Variants in NCAM1 observed in about 807,000 individuals in gnomAD.
NCAM1 encodes the protein neural cell adhesion molecule 1, also known as antigen recognized by monoclonal antibody 5.1H11.
NCAM1 carries 14 observed loss-of-function variants against 109.8 expected under a neutral mutation model. The ratio of observed to expected loss-of-function variants is 0.13; its 90% CI spans 0.08 to 0.20. The LOEUF (loss-of-function observed/expected upper bound fraction) is 0.20, where lower values mean the gene tolerates loss of function less well. Among genes scored for constraint, NCAM1 ranks in the 10% least tolerant of loss-of-function variants. The pLI, the probability that NCAM1 is intolerant of heterozygous loss-of-function variation, is 1.00. For missense variants in NCAM1, 774 were observed against 1,109.9 expected (o/e 0.70, Z 4.30); for synonymous variants, 418 against 442.9 (o/e 0.94, Z 0.70).
intron 1 of NCAM1, among the ~76,000 whole-genome samples, chr11:113,042,793 G>A (rs189825948): frequency 6.6e-6 from 1 of 152,240 alleles, no homozygotes; most frequent in East Asian, 1.9e-4. Context: ...GGCCTTTGCA[G>A]GGTCACTGCC....
intron 17 of NCAM1, among the ~76,000 whole-genome samples, chr11:113,261,774 C>T (rs1946006325): frequency 6.6e-6 from 1 of 152,130 alleles, no homozygotes; most frequent in Non-Finnish European, 1.5e-5. Flanking sequence ...CCCTTTGCAG[C>T]AAGACAGATT....
chr11:113,166,161 T>C (rs1555105240), intron 1 of NCAM1, among the ~76,000 whole-genome samples: 2 of 152,184 alleles, frequency 1.3e-5, no homozygotes, highest in Non-Finnish European at 2.9e-5. Context: ...CACGCCTGTT[T>C]ATATTTCCCG....
At chr11:113,236,392 G>A in intron 14 of NCAM1, 1 of 1,531,778 alleles carries the variant, frequency 6.5e-7, no homozygotes, top group Non-Finnish European at 9.0e-7. Flanking sequence ...ATTTAGTTCT[G>A]GTCCCTTTTT....
chr11:113,255,969 C>T lies in NCAM1; in HGVS notation c.1921C>T (p.Pro641Ser). 2 of 1,604,944 alleles carry T rather than the reference C, an allele frequency of 1.2e-6. No homozygotes were observed. Among genetic ancestry groups the T allele is most frequent in the Non-Finnish European group, 1.7e-6 (2 of 1,175,922 alleles). ...GATCAAGCAGGATGACGGCGGCTCCCCCATCAGACACTATCTGGTCAGGTA... is the reference window on the plus strand; with the variant it reads ...GATCAAGCAGGATGACGGCGGCTCCTCCATCAGACACTATCTGGTCAGGTA... ...NLIKQDDGGSPIRHYLVRYRA... is the reference protein window; with the variant it reads ...NLIKQDDGGSSIRHYLVRYRA... Residue 641 changes from proline to serine, a missense_variant, in exon 16 of 20, where the codon CCC becomes TCC. Transcript: ENST00000316851.
At chr11:113,268,653 T>C (rs1028413728) in intron 17 of NCAM1, among the ~76,000 whole-genome samples, 4 of 152,148 alleles carry the variant, frequency 2.6e-5, no homozygotes, top group Admixed American at 2.6e-4. Flanking sequence ...CAGAGACCCC[T>C]GGGGCACACA....
intron 1 of NCAM1, among the ~76,000 whole-genome samples, chr11:113,161,967 G>T (rs1376670755): frequency 6.6e-6 from 1 of 152,118 alleles, no homozygotes; most frequent in Non-Finnish European, 1.5e-5. Context: ...TGCAAACAAC[G>T]TGAAATCTTG....
At chr11:113,150,580 C>A (rs1942190283) in intron 1 of NCAM1, among the ~76,000 whole-genome samples, 1 of 152,188 alleles carries the variant, frequency 6.6e-6, no homozygotes, top group African/African-American at 2.4e-5. Flanking sequence ...GCATAGGACC[C>A]TTTCCCTGCC....
intron 1 of NCAM1, among the ~76,000 whole-genome samples, chr11:113,155,441 G>T (rs1300075827): frequency 1.3e-5 from 2 of 151,854 alleles, no homozygotes; most frequent in African/African-American, 4.8e-5. Context: ...CCCAGGAGGC[G>T]GAGGTTGCAG....
At chr11:113,224,303 A>C (rs1358604785) in intron 9 of NCAM1, among the ~76,000 whole-genome samples, 1 of 152,232 alleles carries the variant, frequency 6.6e-6, no homozygotes, top group Admixed American at 6.5e-5. Flanking sequence ...CATGGCTCAG[A>C]GGGTCCTACG....
chr11:113,237,901 T>C (rs1257377597), intron 14 of NCAM1, among the ~76,000 whole-genome samples: 1 of 17,622 alleles, frequency 5.7e-5, no homozygotes, highest in Non-Finnish European at 1.5e-4. Context: ...GATATAGATA[T>C]ATAGATATAT....
chr11:113,186,811 A>C (rs1555108956), intron 1 of NCAM1, among the ~76,000 whole-genome samples: 2 of 152,208 alleles, frequency 1.3e-5, no homozygotes, highest in East Asian at 3.9e-4. Context: ...CAGAGCATGC[A>C]ACAGGATATT....
intron 1 of NCAM1, among the ~76,000 whole-genome samples, chr11:113,107,648 A>G (rs887362720): frequency 2.6e-5 from 4 of 152,142 alleles, no homozygotes; most frequent in African/African-American, 9.7e-5. Flanking sequence ...AAACCATCAG[A>G]TCTCGTGAGA....
chr11:113,055,353 A>G (rs554057438), intron 1 of NCAM1, among the ~76,000 whole-genome samples: 237 of 152,342 alleles, frequency 1.6e-3, no homozygotes, highest in African/African-American at 5.0e-3. Context: ...AAAAATAATG[A>G]AGCTCAGAGG....
At chr11:113,064,210 C>T (rs143095355) in intron 1 of NCAM1, among the ~76,000 whole-genome samples, 2,523 of 152,324 alleles carry the variant, frequency 0.017, 36 homozygotes, top group Middle Eastern at 0.058. Flanking sequence ...TCTCATTGCT[C>T]TCTTTTCTTC....
chr11:112,993,828 T>A (rs543360866), intron 1 of NCAM1, among the ~76,000 whole-genome samples: 14 of 152,342 alleles, frequency 9.2e-5, no homozygotes, highest in African/African-American at 3.1e-4. Context: ...TTTCTACTAG[T>A]CTTTTTTGCC....
rs550770748 is a variant in NCAM1, at chr11:113,183,653, T to C, written c.53-18726T>C. Among the ~76,000 whole-genome samples the C allele has an allele frequency of 2.0e-5, 3 of 152,344 alleles. No individual in the cohort carries two copies. In the South Asian group the frequency reaches 6.2e-4, roughly 32 times the overall value. The stretch of plus-strand genomic sequence containing the variant: ...GCATCTCGAAAATATTGTTATCAAT[T>C]TCTAATTTGAAGACCAAGAAACTTT... On this transcript the variant is annotated intron_variant, in intron 1 of 19. Coordinates refer to ENST00000316851, the MANE Select transcript of NCAM1 (RefSeq NM_181351.5).
intron 1 of NCAM1, among the ~76,000 whole-genome samples, chr11:113,062,077 A>G (rs1045963033): frequency 3.3e-5 from 5 of 152,216 alleles, no homozygotes; most frequent in Non-Finnish European, 7.3e-5. Flanking sequence ...AGCACAATGC[A>G]TGCACGTAGA....
chr11:113,199,732 A>G (rs888187745), intron 1 of NCAM1, among the ~76,000 whole-genome samples: 9 of 150,842 alleles, frequency 6.0e-5, no homozygotes, highest in Non-Finnish European at 1.0e-4. Flanking sequence ...ATTTATACAT[A>G]TGTAACTAAC....
At chr11:113,090,459 A>G (rs530170265) in intron 1 of NCAM1, among the ~76,000 whole-genome samples, 3 of 152,350 alleles carry the variant, frequency 2.0e-5, no homozygotes, top group South Asian at 2.1e-4. Flanking sequence ...GTGAAATGCA[A>G]TGAATGAACT....
Sources: allele counts gnomAD v4.1 joint callset (sites outside exome capture counted in the v4.1 genomes callset), GRCh38; gene constraint gnomAD v4.1.1; transcripts MANE v1.5; gene names NCBI Gene and HGNC (gene_info 2026-07-23, HGNC 2026-07-21).